Variants in HEMK2 observed in about 807,000 individuals in gnomAD.
HEMK2 encodes HemK methyltransferase 2, ETF1 glutamine and histone H4 lysine.
chr21:28,627,007 T>G, the HEMK2 span, among the ~76,000 whole-genome samples: 5 of 152,220 alleles, frequency 3.3e-5, no homozygotes, highest in Admixed American at 6.5e-5. Context: ...AACAGCTGAA[T>G]GAATATGCCA....
At chr21:28,874,017 T>C in the HEMK2 span, 1 of 152,192 alleles carries the variant, frequency 6.6e-6, no homozygotes, top group Non-Finnish European at 1.5e-5. Context: ...ATACTGGATG[T>C]TGATTCAGAG....
the HEMK2 span, among the ~76,000 whole-genome samples, chr21:28,779,110 T>C: frequency 1.3e-5 from 2 of 152,210 alleles, no homozygotes; most frequent in Non-Finnish European, 2.9e-5. Context: ...CACTTCTGGA[T>C]AGATGTTCAA....
At chr21:28,736,084 C>T in the HEMK2 span, among the ~76,000 whole-genome samples, 4 of 152,164 alleles carry the variant, frequency 2.6e-5, no homozygotes, top group Admixed American at 6.5e-5. Context: ...AGGGTAGACA[C>T]AAGGAAGGGG....
chr21:28,874,696 T>C, the HEMK2 span: 1 of 152,348 alleles, frequency 6.6e-6, no homozygotes, highest in African/African-American at 2.4e-5. Flanking sequence ...TTGGTGAGCA[T>C]TCACATGGGG....
the HEMK2 span, among the ~76,000 whole-genome samples, chr21:28,867,024 G>A: frequency 6.6e-6 from 1 of 151,928 alleles, no homozygotes; most frequent in African/African-American, 2.4e-5. Flanking sequence ...CCCAAATATT[G>A]GTGAAGATAT....
chr21:28,834,853 GA>G, the HEMK2 span, among the ~76,000 whole-genome samples: 1 of 152,080 alleles, frequency 6.6e-6, no homozygotes, highest in Non-Finnish European at 1.5e-5. Context: ...GGAGCTGGGT[GA>G]GGCCTGTAAC....
the HEMK2 span, among the ~76,000 whole-genome samples, chr21:28,787,235 C>G: frequency 6.6e-6 from 1 of 152,122 alleles, no homozygotes; most frequent in Non-Finnish European, 1.5e-5. Context: ...AGGACTTAAA[C>G]CTAAGACCTG....
chr21:28,667,106 A>C, the HEMK2 span, among the ~76,000 whole-genome samples: 1 of 152,148 alleles, frequency 6.6e-6, no homozygotes, highest in African/African-American at 2.4e-5. Flanking sequence ...TGTTATTAGA[A>C]ATAAAGATAA....
At chr21:28,592,416 T>C in the HEMK2 span, among the ~76,000 whole-genome samples, 58,702 of 152,122 alleles carry the variant, frequency 0.39, 11,749 homozygotes, top group Middle Eastern at 0.48. Flanking sequence ...ATAAAGATGA[T>C]GTCATTAACA....
chr21:28,726,047 C>T, the HEMK2 span, among the ~76,000 whole-genome samples: 2 of 152,072 alleles, frequency 1.3e-5, no homozygotes, highest in African/African-American at 4.8e-5. Context: ...TCCTTAAAGT[C>T]ATATTTCCAT....
At chr21:28,693,302 G>A in the HEMK2 span, among the ~76,000 whole-genome samples, 2,433 of 152,306 alleles carry the variant, frequency 0.016, 64 homozygotes, top group African/African-American at 0.054. Flanking sequence ...TGGCATTTGT[G>A]AGGGGTTTTA....
chr21:28,733,250 G>C, the HEMK2 span, among the ~76,000 whole-genome samples: 3 of 152,206 alleles, frequency 2.0e-5, no homozygotes, highest in Non-Finnish European at 1.5e-5. Flanking sequence ...CTGCAGTCCA[G>C]CCTGGGCAAC....
chr21:28,680,872 C>A, the HEMK2 span, among the ~76,000 whole-genome samples: 1 of 152,154 alleles, frequency 6.6e-6, no homozygotes, highest in African/African-American at 2.4e-5. Context: ...TAAAAACTCT[C>A]AATAAATTAG....
At chr21:28,793,942 T>C in the HEMK2 span, among the ~76,000 whole-genome samples, 2 of 152,184 alleles carry the variant, frequency 1.3e-5, no homozygotes, top group African/African-American at 4.8e-5. Flanking sequence ...GGAGAGAACA[T>C]GGCCCTACTG....
the HEMK2 span, among the ~76,000 whole-genome samples, chr21:28,869,580 T>G: frequency 2.0e-5 from 3 of 152,204 alleles, no homozygotes; most frequent in Non-Finnish European, 4.4e-5. Context: ...TTGAAGTCAC[T>G]TATGCTACTT....
chr21:28,833,830 A>G, the HEMK2 span, among the ~76,000 whole-genome samples: 2 of 152,178 alleles, frequency 1.3e-5, no homozygotes, highest in Non-Finnish European at 2.9e-5. Flanking sequence ...CTCATCTGTA[A>G]AATGGGTATA....
the HEMK2 span, among the ~76,000 whole-genome samples, chr21:28,660,662 T>C: frequency 6.8e-4 from 104 of 152,112 alleles, no homozygotes; most frequent in African/African-American, 2.4e-3. Context: ...GATTATTTTG[T>C]TTAGGAGTTT....
At chr21:28,682,283 C>CAAAAGACACATGAAAAAGACACATG in the HEMK2 span, among the ~76,000 whole-genome samples, 1 of 152,140 alleles carries the variant, frequency 6.6e-6, no homozygotes, top group Non-Finnish European at 1.5e-5. Context: ...TTTGTGCAGC[C>CAAAAGACACATGAAAAAGACACATG]AAAAGACACA....
At chr21:28,606,408 C>A in the HEMK2 span, among the ~76,000 whole-genome samples, 1 of 152,196 alleles carries the variant, frequency 6.6e-6, no homozygotes, top group Non-Finnish European at 1.5e-5. Flanking sequence ...ATATGTGTGA[C>A]TCTGTTGCCC....
Sources: gnomAD v4.1 joint callset for allele counts (sites outside exome capture counted in the v4.1 genomes callset) on GRCh38, gnomAD v4.1.1 for gene constraint, MANE v1.5 for transcripts, NCBI Gene and HGNC (gene_info 2026-07-23, HGNC 2026-07-21) for gene names.